ARHGAP26: variants seen among roughly 807,000 people sequenced by gnomAD.
ARHGAP26 encodes Rho GTPase activating protein 26, also known as rho GTPase-activating protein 26.
Under a neutral mutation model 104.8 loss-of-function variants are expected in ARHGAP26, and 38 were observed. That is an observed-to-expected ratio of 0.36 (90% CI 0.28 to 0.48). The LOEUF (loss-of-function observed/expected upper bound fraction) is 0.48. Among genes scored for constraint, ARHGAP26 ranks in the 20% least tolerant of loss-of-function variants. The probability of loss-of-function intolerance (pLI) is 0.99; values close to 1 mark genes in which losing one functional copy is unlikely to be tolerated. For missense variants in ARHGAP26, 704 were observed against 947.9 expected (o/e 0.74, Z 3.38); for synonymous variants, 341 against 340.0 (o/e 1.00, Z -0.03).
intron 19 of ARHGAP26, among the ~76,000 whole-genome samples, chr5:143,135,540 T>C (rs906852336): frequency 6.6e-6 from 1 of 152,192 alleles, no homozygotes; most frequent in Non-Finnish European, 1.5e-5. Context: ...CTTGTATTTC[T>C]AAAGTAGTGG....
chr5:143,128,959 A>G (rs1026269475), intron 18 of ARHGAP26, among the ~76,000 whole-genome samples: 1 of 152,240 alleles, frequency 6.6e-6, no homozygotes, highest in Non-Finnish European at 1.5e-5. Context: ...CACACACATT[A>G]CAGGGAGACT....
At chr5:143,035,627 G>A (rs1281565514) in intron 12 of ARHGAP26, among the ~76,000 whole-genome samples, 1 of 152,086 alleles carries the variant, frequency 6.6e-6, no homozygotes, top group East Asian at 1.9e-4. Context: ...AATCTCACAA[G>A]TCACCACTAA....
intron 1 of ARHGAP26, among the ~76,000 whole-genome samples, chr5:142,851,735 G>A (rs1751561935): frequency 6.6e-6 from 1 of 152,182 alleles, no homozygotes; most frequent in African/African-American, 2.4e-5. Flanking sequence ...TCTCCCACGT[G>A]CTGGCCTTTA....
chr5:143,021,971 G>T (rs567906138), intron 12 of ARHGAP26, among the ~76,000 whole-genome samples: 1 of 152,264 alleles, frequency 6.6e-6, no homozygotes, highest in South Asian at 2.1e-4. Flanking sequence ...TGGTACACTA[G>T]GTCATTTGAG....
chr5:143,143,958 T>C lies in ARHGAP26; in HGVS notation c.1838-3273T>C, dbSNP rs116385721. 4.5e-3 allele frequency among the ~76,000 whole-genome samples: 683 copies of C among 152,364 alleles called. 7 individuals are homozygous for C. Among genetic ancestry groups the C allele is most frequent in the African/African-American group, 0.015 (643 of 41,596 alleles). On this transcript the variant is annotated intron_variant, in intron 19 of 22. Transcript: ENST00000645722. ...GTTGCTGAGGTCTTGTTTTCTGTGA[T>C]TGATACAAAGACAGATTCCTGTTGA... is the stretch of plus-strand genomic sequence containing the variant.
chr5:143,108,886 C>T (rs1794419980), intron 17 of ARHGAP26, among the ~76,000 whole-genome samples: 1 of 152,204 alleles, frequency 6.6e-6, no homozygotes, highest in Non-Finnish European at 1.5e-5. Context: ...GTGACAAGCT[C>T]TCAGCGCAAG....
intron 11 of ARHGAP26, among the ~76,000 whole-genome samples, chr5:142,946,093 A>G (rs1767058541): frequency 6.6e-6 from 1 of 152,186 alleles, no homozygotes; most frequent in Non-Finnish European, 1.5e-5. Flanking sequence ...CATCTAGGTA[A>G]TAATTCATAC....
At chr5:142,964,395 C>T (rs1023910337) in intron 11 of ARHGAP26, among the ~76,000 whole-genome samples, 5 of 152,058 alleles carry the variant, frequency 3.3e-5, no homozygotes, top group Non-Finnish European at 5.9e-5. Context: ...AAAATAAGTG[C>T]GTATCCTACT....
chr5:143,010,775 A>G (rs1024662398), intron 11 of ARHGAP26: 2 of 152,194 alleles, frequency 1.3e-5, no homozygotes, highest in African/African-American at 4.8e-5. Context: ...GCACAAATTC[A>G]TCTCCTAATG....
chr5:143,177,077 G>A (rs1192945491), intron 20 of ARHGAP26, among the ~76,000 whole-genome samples: 1 of 152,094 alleles, frequency 6.6e-6, no homozygotes, highest in Non-Finnish European at 1.5e-5. Context: ...CTCTTCATTT[G>A]CCTGTTAGTT....
intron 19 of ARHGAP26, among the ~76,000 whole-genome samples, chr5:143,143,137 G>C (rs1032082809): frequency 6.6e-6 from 1 of 152,118 alleles, no homozygotes; most frequent in Non-Finnish European, 1.5e-5. Flanking sequence ...ATATTAGCCT[G>C]TATTCTGACA....
At chr5:142,844,827 C>T (rs1204418170) in intron 1 of ARHGAP26, among the ~76,000 whole-genome samples, 1 of 149,314 alleles carries the variant, frequency 6.7e-6, no homozygotes, top group Non-Finnish European at 1.5e-5. Context: ...TGCACTACAG[C>T]TGGGACAACA....
intron 18 of ARHGAP26, among the ~76,000 whole-genome samples, chr5:143,127,486 C>T (rs1198318374): frequency 6.6e-6 from 1 of 152,168 alleles, no homozygotes; most frequent in Non-Finnish European, 1.5e-5. Flanking sequence ...GCTGTTAATT[C>T]TCAGAAATCC....
At chr5:143,077,366 C>T (rs896473874) in intron 17 of ARHGAP26, among the ~76,000 whole-genome samples, 2 of 152,190 alleles carry the variant, frequency 1.3e-5, no homozygotes, top group Admixed American at 6.5e-5. Flanking sequence ...GATTAAATAT[C>T]TTCATAGGAT....
intron 12 of ARHGAP26, chr5:143,014,371 TCTCGTG>T: frequency 1.8e-6 from 1 of 556,548 alleles, no homozygotes; most frequent in Non-Finnish European, 3.2e-6. Flanking sequence ...TACAAAGCAT[TCTCGTG>T]TACATTATCT....
At chr5:143,061,092 C>T (rs1181754943) in intron 17 of ARHGAP26, among the ~76,000 whole-genome samples, 3 of 152,116 alleles carry the variant, frequency 2.0e-5, no homozygotes, top group East Asian at 1.9e-4. Flanking sequence ...TTTACTTTTG[C>T]GTGATTTAGT....
intron 17 of ARHGAP26, among the ~76,000 whole-genome samples, chr5:143,109,457 T>C (rs1472920427): frequency 6.6e-6 from 1 of 152,024 alleles, no homozygotes; most frequent in Non-Finnish European, 1.5e-5. Context: ...TTTGTTTTTG[T>C]TTTTGTATTT....
chr5:142,771,043 G>A (rs1755085183), intron 1 of ARHGAP26, 128 bp downstream of exon 1: 2 of 1,408,952 alleles, frequency 1.4e-6, no homozygotes, highest in African/African-American at 3.0e-5. Context: ...GGGTGTCGAC[G>A]CCTCCGAGGC....
rs749378926 is a variant in ARHGAP26, at chr5:143,222,488, A to G, written c.*42A>G. 2.5e-5 allele frequency: 37 copies of G among 1,487,136 alleles called. No individual in the cohort carries two copies. In the South Asian group the frequency reaches 4.8e-4, roughly 19 times the overall value. The allele number at this position is 1,487,136 out of a possible 1,614,324, so 92.1% of individuals were successfully genotyped here. A position where few individuals can be genotyped will look rare whatever the true frequency, so the allele number is the denominator to read the frequency against. On this transcript the variant is annotated 3_prime_UTR_variant, in exon 23 of 23. Coordinates refer to ENST00000645722, the MANE Select transcript of ARHGAP26 (RefSeq NM_001135608.3). ...AACTGCTGAGCTTTACATGGTATCC[A>G]TGACAACTGCTGATTCCAGTGTCGA...
Sources: gnomAD v4.1 joint callset for allele counts (sites outside exome capture counted in the v4.1 genomes callset) on GRCh38, gnomAD v4.1.1 for gene constraint, MANE v1.5 for transcripts, NCBI Gene and HGNC (gene_info 2026-07-23, HGNC 2026-07-21) for gene names.